The following CEP83 variants were observed in gnomAD, a reference collection of about 807,000 sequenced individuals.
The protein encoded by CEP83 is centrosomal protein of 83 kDa.
Under a neutral mutation model 101.9 loss-of-function variants are expected in CEP83, and 70 were observed. The ratio of observed to expected loss-of-function variants is 0.69; its 90% CI spans 0.57 to 0.84. CEP83 has a LOEUF of 0.84. CEP83 is among the 40% of genes least tolerant of loss of function. CEP83 has a pLI of 0.00. For synonymous variants in CEP83, 264 were observed against 267.9 expected (o/e 0.99, Z 0.14); for missense variants, 715 against 787.2 (o/e 0.91, Z 1.10).
chr12:94,374,795 A>C (rs1255406288), intron 8 of CEP83, among the ~76,000 whole-genome samples: 1 of 152,212 alleles, frequency 6.6e-6, no homozygotes, highest in Non-Finnish European at 1.5e-5. Context: ...ACCAGTGTAT[A>C]ATCACTGCTA....
chr12:94,456,052 A>C (rs1404602210), intron 1 of CEP83, among the ~76,000 whole-genome samples: 1 of 152,096 alleles, frequency 6.6e-6, no homozygotes, highest in Non-Finnish European at 1.5e-5. Flanking sequence ...CATCTCAAAA[A>C]AAAAAAAAAG....
At chr12:94,335,298 T>C (rs2059402603) in intron 12 of CEP83, among the ~76,000 whole-genome samples, 1 of 152,062 alleles carries the variant, frequency 6.6e-6, no homozygotes, top group South Asian at 2.1e-4. Flanking sequence ...AAATTCTGAA[T>C]ATTAAAATAC....
chr12:94,335,816 G>C, intron 11 of CEP83, 152 bp from the exon 12 acceptor site: 5 of 608,766 alleles, frequency 8.2e-6, no homozygotes, highest in South Asian at 7.7e-5. Context: ...TTGTGTTCAC[G>C]TATAACAAAA....
At chr12:94,392,073 C>A (rs1394860312) in intron 6 of CEP83, among the ~76,000 whole-genome samples, 2 of 152,144 alleles carry the variant, frequency 1.3e-5, no homozygotes, top group African/African-American at 4.8e-5. Flanking sequence ...CAATATTAGA[C>A]AGATCAACGA....
chr12:94,273,499 C>T, the CEP83 span, among the ~76,000 whole-genome samples: 26,918 of 152,086 alleles, frequency 0.18, 2,578 homozygotes, highest in Admixed American at 0.23. Context: ...AATTCAAATG[C>T]TGCCTCCTCC....
chr12:94,299,412 T>G, the CEP83 span, among the ~76,000 whole-genome samples: 4 of 152,340 alleles, frequency 2.6e-5, no homozygotes, highest in East Asian at 7.7e-4. Flanking sequence ...AACTTCTCAG[T>G]GCAAGCTCAA....
chr12:94,400,570 C>T (rs200597009), intron 6 of CEP83, among the ~76,000 whole-genome samples: 1 of 152,064 alleles, frequency 6.6e-6, no homozygotes, highest in Admixed American at 6.6e-5. Context: ...TCTGTGGCTA[C>T]ATAAGACAAA....
chr12:94,299,119 TAGAGA>T, the CEP83 span, among the ~76,000 whole-genome samples: 1 of 152,206 alleles, frequency 6.6e-6, no homozygotes, highest in Non-Finnish European at 1.5e-5. Context: ...ATTTTTGCAT[TAGAGA>T]AAATTTTATG....
chr12:94,330,729 C>A (rs2059161646), intron 14 of CEP83, among the ~76,000 whole-genome samples: 1 of 152,308 alleles, frequency 6.6e-6, no homozygotes, highest in South Asian at 2.1e-4. Flanking sequence ...CAAGCTTAAT[C>A]ACACTATAAT....
intron 9 of CEP83, 50 bp downstream of exon 9, chr12:94,369,872 A>T: frequency 1.1e-6 from 1 of 920,556 alleles, no homozygotes; most frequent in Non-Finnish European, 1.7e-6. Context: ...ATTTGAGTTC[A>T]TATCTGAAAA....
At position 94,412,428 on chromosome 12, in the gene CEP83, G is replaced by C. The variant is rs760371339; in HGVS notation, c.63C>G (p.Asp21Glu). The C allele has an allele frequency of 6.2e-7, 1 of 1,612,376 alleles. No homozygotes were observed. The highest frequency in any genetic ancestry group is 1.3e-5 in the African/African-American group (1 of 74,916). The change falls in exon 3 of 17, where the codon GAC becomes GAG. Residue 21 changes from aspartate (D) to glutamate (E), a missense_variant. By Grantham distance (45) the Asp-to-Glu change is conservative. Transcript: ENST00000397809. ...TFPNNFPPGG[D>E]SGLTGSQSEF... is the part of the protein sequence containing the mutation. ...CCGACTGAGAACCTGTCAATCCACT[G>C]TCTCCACCAGGAGGAAAATTATTGG...
the CEP83 span, among the ~76,000 whole-genome samples, chr12:94,281,479 A>G: frequency 2.6e-5 from 4 of 152,248 alleles, no homozygotes; most frequent in South Asian, 4.2e-4. Context: ...GGACAGTGCC[A>G]TTTGCTTCAG....
intron 2 of CEP83, among the ~76,000 whole-genome samples, chr12:94,418,435 G>T (rs573098661): frequency 6.6e-6 from 1 of 151,608 alleles, no homozygotes; most frequent in East Asian, 1.9e-4. Flanking sequence ...TAGAGAGGAA[G>T]AGGAAAAGAA....
intron 14 of CEP83, 109 bp from the exon 15 acceptor site, chr12:94,313,126 T>G: frequency 1.9e-6 from 1 of 523,352 alleles, no homozygotes; most frequent in South Asian, 3.0e-5. Flanking sequence ...ATGAATGTTT[T>G]CAGTGAATAC....
rs1340133775 is a variant in CEP83, at chr12:94,449,267, A to T, written c.-155+10290T>A. Among the ~76,000 whole-genome samples the T allele has an allele frequency of 2.0e-5, 3 of 152,316 alleles. No individual in the cohort carries two copies. The East Asian group carries it at 5.8e-4, about 29-fold the overall frequency. Reference sequence around the variant, plus strand: ...TAGACCTATAACAAGAAGTGAAGAAACTGAACCAATAATTTTAAATATTCC... The same window carrying T: ...TAGACCTATAACAAGAAGTGAAGAATCTGAACCAATAATTTTAAATATTCC... On this transcript the variant is annotated intron_variant, in intron 1 of 16. Coordinates refer to ENST00000397809, the MANE Select transcript of CEP83 (RefSeq NM_016122.3).
chr12:94,447,991 G>C (rs994794929), intron 1 of CEP83, among the ~76,000 whole-genome samples: 1 of 152,036 alleles, frequency 6.6e-6, no homozygotes, highest in African/African-American at 2.4e-5. Context: ...ACATGTGAAT[G>C]AACTAAACAC....
chr12:94,450,747 G>A (rs1223953286), intron 1 of CEP83, among the ~76,000 whole-genome samples: 1 of 152,174 alleles, frequency 6.6e-6, no homozygotes, highest in East Asian at 1.9e-4. Context: ...CATGTTCATG[G>A]ATTGGAAGAC....
At chr12:94,371,945 T>C (rs17302889) in intron 8 of CEP83, among the ~76,000 whole-genome samples, 15,496 of 152,144 alleles carry the variant, frequency 0.1, 908 homozygotes, top group African/African-American at 0.16. Context: ...CATAAAATGG[T>C]GACCCTGTGC....
intron 14 of CEP83, among the ~76,000 whole-genome samples, chr12:94,322,169 CT>C (rs1443872511): frequency 1.3e-5 from 2 of 152,094 alleles, no homozygotes; most frequent in Admixed American, 1.3e-4. Flanking sequence ...AGCCGTCTAG[CT>C]TTTTCCATAG....
Sources: gnomAD v4.1 joint callset for allele counts (sites outside exome capture counted in the v4.1 genomes callset) on GRCh38, gnomAD v4.1.1 for gene constraint, MANE v1.5 for transcripts, NCBI Gene and HGNC (gene_info 2026-07-23, HGNC 2026-07-21) for gene names.